The following MGAT4C variants were observed in gnomAD, a reference collection of about 807,000 sequenced individuals.
The protein encoded by MGAT4C is alpha-1,3-mannosyl-glycoprotein 4-beta-N-acetylglucosaminyltransferase C.
Under a neutral mutation model 40.1 loss-of-function variants are expected in MGAT4C, and 19 were observed. That is an observed-to-expected ratio of 0.47 (90% CI 0.33 to 0.70). The LOEUF (loss-of-function observed/expected upper bound fraction) is 0.70, where lower values mean the gene tolerates loss of function less well. MGAT4C is among the 30% of genes least tolerant of loss of function. The pLI is 0.02. For synonymous variants in MGAT4C, 181 were observed against 187.1 expected, an observed-to-expected ratio of 0.97 and a Z score of 0.27; for missense variants, 491 against 563.2, an observed-to-expected ratio of 0.87 and a Z score of 1.30.
At position 86,129,812 on chromosome 12, in the gene MGAT4C, G is replaced by A. The variant is rs1593019924; in HGVS notation, c.-56-80089C>T. ...CTGACCTCGTGATCCGCCCGCCTCG[G>A]CCTCCCAAAGTGCTGGGATTACAGG... On this transcript the variant is annotated intron_variant, in intron 1 of 4. Transcript: ENST00000611864. 1.5e-4 allele frequency among the ~76,000 whole-genome samples: 2 copies of A among 13,148 alleles called. 1 individual carries two copies. The highest frequency in any genetic ancestry group is 2.2e-4 in the Non-Finnish European group (2 of 9,026). The allele number at this position is 13,148 out of a possible 152,430, so 8.6% of individuals were successfully genotyped here.
chr12:86,049,035 G>T (rs955162698), intron 2 of MGAT4C, among the ~76,000 whole-genome samples: 13 of 151,976 alleles, frequency 8.6e-5, no homozygotes, highest in Non-Finnish European at 1.2e-4. Context: ...TAAAGGAAAT[G>T]ATACAGTATA....
At chr12:86,756,414 A>C (rs1951304440) in intron 1 of MGAT4C, among the ~76,000 whole-genome samples, 1 of 139,858 alleles carries the variant, frequency 7.2e-6, no homozygotes, top group Non-Finnish European at 1.6e-5. Flanking sequence ...GGCCTGCAAC[A>C]TACGATTTTT....
chr12:86,361,634 T>A (rs190322305), intron 3 of MGAT4C, among the ~76,000 whole-genome samples: 19 of 152,118 alleles, frequency 1.2e-4, no homozygotes, highest in Admixed American at 2.6e-4. Context: ...CAAACAAATT[T>A]ACAAGAAAAA....
intron 4 of MGAT4C, among the ~76,000 whole-genome samples, chr12:86,295,829 C>T (rs1025987158): frequency 2.0e-5 from 3 of 152,164 alleles, no homozygotes; most frequent in African/African-American, 7.2e-5. Flanking sequence ...TGGATTGGTG[C>T]ATTCACAAAC....
chr12:86,556,751 A>G (rs1959630972), intron 2 of MGAT4C, among the ~76,000 whole-genome samples: 2 of 152,214 alleles, frequency 1.3e-5, no homozygotes, highest in South Asian at 2.1e-4. Flanking sequence ...TGCATGTACT[A>G]GAAACAATAT....
At chr12:86,505,144 A>G (rs1163524230) in intron 2 of MGAT4C, among the ~76,000 whole-genome samples, 1 of 152,134 alleles carries the variant, frequency 6.6e-6, no homozygotes, top group African/African-American at 2.4e-5. Flanking sequence ...TAATTCCTAG[A>G]GAATCTAATT....
intron 2 of MGAT4C, among the ~76,000 whole-genome samples, chr12:86,529,599 C>A (rs1037903547): frequency 1.3e-5 from 2 of 152,006 alleles, no homozygotes; most frequent in African/African-American, 4.8e-5. Context: ...TTATAAGTCC[C>A]ATCATTGATT....
chr12:86,438,591 C>G (rs1316430511), intron 2 of MGAT4C, among the ~76,000 whole-genome samples: 1 of 151,846 alleles, frequency 6.6e-6, no homozygotes, highest in Non-Finnish European at 1.5e-5. Flanking sequence ...ATGTAACAAT[C>G]AATATGATGA....
In MGAT4C at chr12:86,653,207, A is replaced by C. The variant is rs530882631; in HGVS notation, c.-229+74002T>G. ...AGTTTTCAGTGTAGTCAGATTAAGT[A>C]ATACAGAAGTTTATTTCTCTCACAT... On this transcript the variant is annotated intron_variant, in intron 2 of 7. Coordinates refer to the MGAT4C transcript ENST00000548651. Among the ~76,000 whole-genome samples the C allele has an allele frequency of 7.2e-5, 11 of 152,040 alleles. No individual in the cohort carries two copies. The South Asian group carries it at 1.9e-3, about 26-fold the overall frequency.
intron 2 of MGAT4C, among the ~76,000 whole-genome samples, chr12:86,645,925 A>G (rs1165767124): frequency 6.6e-6 from 1 of 151,802 alleles, no homozygotes; most frequent in African/African-American, 2.4e-5. Flanking sequence ...CCTGTAAAAT[A>G]AAAGAATACT....
intron 4 of MGAT4C, among the ~76,000 whole-genome samples, chr12:86,327,431 C>T (rs61014498): frequency 0.096 from 14,563 of 151,884 alleles, 1,697 homozygotes; most frequent in East Asian, 0.29. Context: ...GCCTAGTCAC[C>T]ACCCTGCTAA....
Position 86,390,715 on chromosome 12 carries a change from C to T in MGAT4C, c.-120+44442G>A, listed in dbSNP as rs548009773. Among the ~76,000 whole-genome samples, 89 of 152,070 alleles carry T rather than the reference C, an allele frequency of 5.9e-4. 1 individual carries two copies. The highest frequency in any genetic ancestry group is 5.7e-4 in the Non-Finnish European group (39 of 67,982). ...AAAATCTGGTGACCAGTAGTCGCAA[C>T]CTTTTCTTTATCATATTTATAATTT... On this transcript the variant is annotated intron_variant, in intron 3 of 7. Transcript: ENST00000548651.
intron 2 of MGAT4C, among the ~76,000 whole-genome samples, chr12:86,620,266 T>G (rs1293316943): frequency 6.6e-6 from 1 of 152,092 alleles, no homozygotes; most frequent in African/African-American, 2.4e-5. Flanking sequence ...GCTATTATGT[T>G]TATGGCAACA....
chr12:86,354,302 A>G (rs1955254262), intron 3 of MGAT4C, among the ~76,000 whole-genome samples: 1 of 152,228 alleles, frequency 6.6e-6, no homozygotes, highest in Admixed American at 6.5e-5. Context: ...CAGGACCCAT[A>G]GTATTATACA....
chr12:86,119,548 C>T (rs931511733), intron 1 of MGAT4C, among the ~76,000 whole-genome samples: 5 of 151,826 alleles, frequency 3.3e-5, no homozygotes, highest in Non-Finnish European at 5.9e-5. Context: ...GCTGGGATTA[C>T]AGGCGTCCGC....
intron 1 of MGAT4C, among the ~76,000 whole-genome samples, chr12:86,727,607 T>C (rs1950843702): frequency 6.6e-6 from 1 of 152,010 alleles, no homozygotes; most frequent in Admixed American, 6.5e-5. Context: ...AAAGCATGCA[T>C]ACTTAATGAT....
intron 1 of MGAT4C, among the ~76,000 whole-genome samples, chr12:86,788,507 G>T (rs952910908): frequency 6.6e-6 from 1 of 152,018 alleles, no homozygotes; most frequent in Admixed American, 6.6e-5. Context: ...CCTATACAAG[G>T]ACTGTTTTTC....
At chr12:86,402,742 A>C (rs1224944665) in intron 3 of MGAT4C, among the ~76,000 whole-genome samples, 1 of 152,190 alleles carries the variant, frequency 6.6e-6, no homozygotes, top group Non-Finnish European at 1.5e-5. Context: ...TGACTTTAAA[A>C]ATTAATTTTA....
At chr12:86,253,175 A>T (rs530063378) in intron 1 of MGAT4C, among the ~76,000 whole-genome samples, 1 of 152,088 alleles carries the variant, frequency 6.6e-6, no homozygotes, top group South Asian at 2.1e-4. Flanking sequence ...ATAGTAAATT[A>T]AAGATGAGAG....
Sources: gnomAD v4.1 joint callset for allele counts (sites outside exome capture counted in the v4.1 genomes callset) on GRCh38, gnomAD v4.1.1 for gene constraint, MANE v1.5 for transcripts, NCBI Gene and HGNC (gene_info 2026-07-23, HGNC 2026-07-21) for gene names.